Variants in GRIP1 observed in about 807,000 individuals in gnomAD.
The protein encoded by GRIP1 is glutamate receptor interacting protein 1.
Under a neutral mutation model 129.9 loss-of-function variants are expected in GRIP1, and 45 were observed. The observed-to-expected ratio is 0.35, with a 90% CI of 0.27 to 0.44. GRIP1 has a LOEUF of 0.44. GRIP1 is among the 20% of genes least tolerant of loss of function. GRIP1 has a pLI of 1.00. For missense variants in GRIP1, 1,196 were observed against 1,396.8 expected (o/e 0.86, Z 2.29); for synonymous variants, 530 against 520.8 (o/e 1.02, Z -0.24).
chr12:66,478,945 G>T (rs1039738171), intron 7 of GRIP1, among the ~76,000 whole-genome samples: 1 of 151,942 alleles, frequency 6.6e-6, no homozygotes, highest in African/African-American at 2.4e-5. Context: ...GAGTTAATGG[G>T]TGCAGCACAC....
chr12:66,911,331 T>C (rs1444642105), intron 1 of GRIP1, among the ~76,000 whole-genome samples: 1 of 152,224 alleles, frequency 6.6e-6, no homozygotes, highest in African/African-American at 2.4e-5. Context: ...CGGAAATCTA[T>C]GTTCTGAAGG....
chr12:66,551,300 G>A (rs1208040476), intron 2 of GRIP1, among the ~76,000 whole-genome samples: 1 of 152,206 alleles, frequency 6.6e-6, no homozygotes, highest in Non-Finnish European at 1.5e-5. Flanking sequence ...GCAATGAAAT[G>A]TCGTCAGTCC....
At chr12:66,798,728 T>A (rs2136901382) in intron 1 of GRIP1, among the ~76,000 whole-genome samples, 1 of 152,276 alleles carries the variant, frequency 6.6e-6, no homozygotes, top group East Asian at 1.9e-4. Flanking sequence ...ACAGAGCAAA[T>A]GACAGGTGAC....
At chr12:66,866,623 G>C (rs984003639) in intron 1 of GRIP1, among the ~76,000 whole-genome samples, 1 of 152,062 alleles carries the variant, frequency 6.6e-6, no homozygotes. Context: ...AGTGTAATTG[G>C]GTTGTTGGTA....
intron 16 of GRIP1, among the ~76,000 whole-genome samples, chr12:66,402,047 C>T (rs149008457): frequency 6.6e-6 from 1 of 152,256 alleles, no homozygotes; most frequent in East Asian, 1.9e-4. Context: ...TCTAGCTTAC[C>T]TACTACCAAG....
At chr12:66,383,863 G>A (rs1010158322) in intron 19 of GRIP1, among the ~76,000 whole-genome samples, 4 of 152,148 alleles carry the variant, frequency 2.6e-5, no homozygotes, top group African/African-American at 4.8e-5. Context: ...GGTCAATGAC[G>A]TAGCTAAGGG....
intron 19 of GRIP1, among the ~76,000 whole-genome samples, chr12:66,389,963 C>T (rs757398249): frequency 6.6e-6 from 1 of 152,128 alleles, no homozygotes; most frequent in African/African-American, 2.4e-5. Context: ...TAGCTGTCTT[C>T]GAGTATCTAA....
chr12:66,771,435 A>G (rs1412410239), intron 1 of GRIP1, among the ~76,000 whole-genome samples: 1 of 152,232 alleles, frequency 6.6e-6, no homozygotes, highest in East Asian at 1.9e-4. Flanking sequence ...ATTCCTATAA[A>G]GCCAATGATA....
intron 1 of GRIP1, among the ~76,000 whole-genome samples, chr12:67,039,691 A>G (rs543639836): frequency 1.3e-5 from 2 of 152,300 alleles, no homozygotes; most frequent in African/African-American, 4.8e-5. Flanking sequence ...TGCCTGAAAC[A>G]TTATGAGGAG....
chr12:67,012,142 T>C (rs1183112879), intron 1 of GRIP1, among the ~76,000 whole-genome samples: 3 of 152,208 alleles, frequency 2.0e-5, no homozygotes, highest in African/African-American at 4.8e-5. Context: ...CAGTGAAATT[T>C]GTTCCATATA....
chr12:66,456,610 G>C (rs1493485), intron 9 of GRIP1, among the ~76,000 whole-genome samples: 34,481 of 151,588 alleles, frequency 0.23, 4,459 homozygotes, highest in Middle Eastern at 0.42. Flanking sequence ...GATGACTATT[G>C]AATCAATTTC....
At chr12:66,650,608 T>C (rs183041988) in intron 1 of GRIP1, among the ~76,000 whole-genome samples, 1 of 152,212 alleles carries the variant, frequency 6.6e-6, no homozygotes, top group Non-Finnish European at 1.5e-5. Context: ...GAGAGATAAC[T>C]TACACATGCT....
At chr12:66,723,288 C>T (rs1565987983) in intron 1 of GRIP1, among the ~76,000 whole-genome samples, 5 of 18,590 alleles carry the variant, frequency 2.7e-4, no homozygotes, top group South Asian at 3.2e-3. Flanking sequence ...TCCTTCCTTT[C>T]TTTCTTTCTT....
At chr12:66,432,327 C>T (rs1408213957) in intron 14 of GRIP1, among the ~76,000 whole-genome samples, 1 of 152,068 alleles carries the variant, frequency 6.6e-6, no homozygotes, top group Non-Finnish European at 1.5e-5. Flanking sequence ...TCCTTATTTT[C>T]ATTTTACAGA....
chr12:66,413,416 G>A (rs762421906), intron 15 of GRIP1, among the ~76,000 whole-genome samples: 15 of 151,850 alleles, frequency 9.9e-5, no homozygotes, highest in Non-Finnish European at 1.6e-4. Context: ...TGAGAACAAA[G>A]AGACCAACAA....
chr12:66,826,121 T>C (rs1374752478), intron 1 of GRIP1, among the ~76,000 whole-genome samples: 1 of 152,142 alleles, frequency 6.6e-6, no homozygotes, highest in African/African-American at 2.4e-5. Context: ...TGGAATACTA[T>C]GCAGCCATAA....
intron 7 of GRIP1, among the ~76,000 whole-genome samples, chr12:66,473,039 C>T (rs766995499): frequency 6.6e-6 from 1 of 152,154 alleles, no homozygotes; most frequent in Non-Finnish European, 1.5e-5. Flanking sequence ...CTCAGCAGAC[C>T]CCAGCCCCAT....
intron 15 of GRIP1, among the ~76,000 whole-genome samples, chr12:66,413,337 C>A (rs2057469283): frequency 6.6e-6 from 1 of 152,150 alleles, no homozygotes; most frequent in South Asian, 2.1e-4. Context: ...AATTGAACAG[C>A]CTGCCCCTGA....
chr12:66,443,423 G>T lies in GRIP1; in HGVS notation c.1687+1161C>A, dbSNP rs12300772. On this transcript the variant is annotated intron_variant, in intron 13 of 24. Coordinates refer to ENST00000359742, the MANE Select transcript of GRIP1 (RefSeq NM_001366722.1). ...TTGTGTTCAATCTCCCTCCCCTACCGCAATATTTTTTTTTTCTTTTCTCTT... is the reference window on the plus strand; with the variant it reads ...TTGTGTTCAATCTCCCTCCCCTACCTCAATATTTTTTTTTTCTTTTCTCTT... Among the ~76,000 whole-genome samples the T allele has an allele frequency of 9.3e-5, 14 of 150,848 alleles. No individual in the cohort carries two copies. The East Asian group carries it at 1.4e-3, about 15-fold the overall frequency.
Sources: allele counts gnomAD v4.1 joint callset (sites outside exome capture counted in the v4.1 genomes callset), GRCh38; gene constraint gnomAD v4.1.1; transcripts MANE v1.5; gene names NCBI Gene and HGNC (gene_info 2026-07-23, HGNC 2026-07-21).